Variants in STARD13 observed in about 807,000 individuals in gnomAD.
The protein encoded by STARD13 is stAR-related lipid transfer protein 13.
STARD13 carries 62 observed loss-of-function variants against 106.4 expected under a neutral mutation model. That is an observed-to-expected ratio of 0.58 (90% CI 0.48 to 0.72). STARD13 has a LOEUF of 0.72. Ranked by LOEUF, STARD13 falls within the 30% of genes least tolerant of loss-of-function variation. STARD13 has a pLI of 0.00. For synonymous variants in STARD13, 565 were observed against 553.0 expected, an observed-to-expected ratio of 1.02 and a Z score of -0.31; for missense variants, 1,387 against 1,424.0, an observed-to-expected ratio of 0.97 and a Z score of 0.42.
the STARD13 span, among the ~76,000 whole-genome samples, chr13:33,473,512 C>A: frequency 6.6e-6 from 1 of 152,196 alleles, no homozygotes; most frequent in Non-Finnish European, 1.5e-5. Flanking sequence ...CGGACTTCAG[C>A]ATCTGAATAA....
At position 33,129,706 on chromosome 13, in the gene STARD13, G is replaced by A. The variant is rs1487449920; in HGVS notation, c.971C>T (p.Pro324Leu). ...CTCGCCACTCGACTTGCCAGAGCAT[G>A]GGAGCCCTTTTCTGCAGGCAGGTGG... is the stretch of plus-strand genomic sequence containing the variant. ...SPPPACRKGLPCSGKSSGESS... is the reference protein window; with the variant it reads ...SPPPACRKGLLCSGKSSGESS... Residue 324 changes from proline to leucine, a missense_variant, in exon 5 of 14, where the codon CCA (proline) becomes CTA (leucine). Pro to Leu is a moderately conservative substitution (Grantham distance 98, BLOSUM62 -3). Transcript: ENST00000336934. 1.2e-6 allele frequency: 2 copies of A among 1,613,972 alleles called. No homozygotes were observed. Among genetic ancestry groups the A allele is most frequent in the Non-Finnish European group, 1.7e-6 (2 of 1,180,036 alleles).
chr13:33,381,934 G>A, the STARD13 span, among the ~76,000 whole-genome samples: 1 of 152,046 alleles, frequency 6.6e-6, no homozygotes, highest in Non-Finnish European at 1.5e-5. Context: ...TCCCACACCT[G>A]CCCCCTCTAG....
At chr13:33,669,331 C>T in the STARD13 span, among the ~76,000 whole-genome samples, 3,533 of 152,084 alleles carry the variant, frequency 0.023, 140 homozygotes, top group African/African-American at 0.08. Flanking sequence ...CAGAAGAGGC[C>T]GGCTTCTCTG....
At chr13:33,632,298 G>A in the STARD13 span, among the ~76,000 whole-genome samples, 1 of 152,150 alleles carries the variant, frequency 6.6e-6, no homozygotes, top group Non-Finnish European at 1.5e-5. Flanking sequence ...TTCTAGCCTA[G>A]TGAGCCAATT....
chr13:33,632,134 A>G, the STARD13 span, among the ~76,000 whole-genome samples: 1 of 152,228 alleles, frequency 6.6e-6, no homozygotes, highest in African/African-American at 2.4e-5. Flanking sequence ...TAGTTAATAC[A>G]TATAATCAAC....
intron 1 of STARD13, among the ~76,000 whole-genome samples, chr13:33,173,810 C>T (rs922259616): frequency 3.3e-5 from 5 of 152,156 alleles, no homozygotes; most frequent in Admixed American, 3.3e-4. Flanking sequence ...AATAAAATAT[C>T]TGACTGTCAG....
chr13:33,328,466 A>T (rs2077801365), intron 1 of STARD13, among the ~76,000 whole-genome samples: 1 of 152,250 alleles, frequency 6.6e-6, no homozygotes, highest in Non-Finnish European at 1.5e-5. Context: ...AAAACATAGC[A>T]AGGACTCCAT....
At chr13:33,347,855 G>T (rs1021826741), downstream of STARD13, among the ~76,000 whole-genome samples, 2 of 152,162 alleles carry the variant, frequency 1.3e-5, no homozygotes, top group African/African-American at 4.8e-5. Context: ...ACCATACAAA[G>T]AACACTTTTA....
intron 1 of STARD13, among the ~76,000 whole-genome samples, chr13:33,255,469 A>C (rs1333414387): frequency 6.6e-6 from 1 of 151,968 alleles, no homozygotes; most frequent in Admixed American, 6.6e-5. Context: ...TGTTGCCATC[A>C]ACCATACCCC....
At chr13:33,223,239 C>G (rs937452021) in intron 1 of STARD13, among the ~76,000 whole-genome samples, 2 of 152,160 alleles carry the variant, frequency 1.3e-5, no homozygotes, top group Non-Finnish European at 2.9e-5. Flanking sequence ...TAGAGAAGTC[C>G]CACTTTGGTC....
chr13:33,185,878 C>T, intron 1 of STARD13: 1 of 1,614,012 alleles, frequency 6.2e-7, no homozygotes, highest in Non-Finnish European at 8.5e-7. Context: ...CAGCACTTAC[C>T]CCGGCGCTGG....
the STARD13 span, among the ~76,000 whole-genome samples, chr13:33,516,386 T>C: frequency 1.3e-5 from 2 of 151,836 alleles, no homozygotes; most frequent in Middle Eastern, 3.4e-3. Context: ...CATTTTTGAA[T>C]GAATTCCATC....
At chr13:33,528,260 A>ATATATGTATATG in the STARD13 span, among the ~76,000 whole-genome samples, 145 of 127,244 alleles carry the variant, frequency 1.1e-3, 8 homozygotes, top group African/African-American at 4.0e-3. Context: ...ATATATACAT[A>ATATATGTATATG]TATATATATA....
intron 4 of STARD13, among the ~76,000 whole-genome samples, chr13:33,141,434 T>C (rs1178858149): frequency 1.3e-5 from 2 of 152,200 alleles, no homozygotes; most frequent in Non-Finnish European, 2.9e-5. Context: ...ACATATTCAA[T>C]AAAGTACAGC....
the STARD13 span, among the ~76,000 whole-genome samples, chr13:33,499,550 T>TTCC: frequency 1.8e-5 from 1 of 55,448 alleles, no homozygotes; most frequent in South Asian, 7.5e-4. Flanking sequence ...CTTCTTCTTC[T>TTCC]TCTTCTTCTT....
the STARD13 span, among the ~76,000 whole-genome samples, chr13:33,499,152 C>CAAACAA: frequency 2.0e-5 from 3 of 151,970 alleles, no homozygotes; most frequent in South Asian, 2.1e-4. Flanking sequence ...AACAAACAAA[C>CAAACAA]AAACAAAAAC....
chr13:33,362,458 G>A, the STARD13 span, among the ~76,000 whole-genome samples: 1 of 152,230 alleles, frequency 6.6e-6, no homozygotes, highest in Non-Finnish European at 1.5e-5. Context: ...ATATCAATAA[G>A]GGAAAAACGA....
intron 12 of STARD13, among the ~76,000 whole-genome samples, chr13:33,109,227 G>C (rs1252811121): frequency 6.6e-6 from 1 of 152,166 alleles, no homozygotes; most frequent in Non-Finnish European, 1.5e-5. Context: ...TGTTCTGGCT[G>C]ATGCAACACT....
At chr13:33,407,496 A>AT in the STARD13 span, among the ~76,000 whole-genome samples, 218 of 152,166 alleles carry the variant, frequency 1.4e-3, no homozygotes, top group African/African-American at 5.0e-3. Flanking sequence ...ATTTCTTCCT[A>AT]TTTTTTCTGG....
Sources: gnomAD v4.1 joint callset for allele counts (sites outside exome capture counted in the v4.1 genomes callset) on GRCh38, gnomAD v4.1.1 for gene constraint, MANE v1.5 for transcripts, NCBI Gene and HGNC (gene_info 2026-07-23, HGNC 2026-07-21) for gene names.